The following ABCD3 variants were observed in gnomAD, a reference collection of about 807,000 sequenced individuals.
ABCD3 encodes the protein ATP binding cassette subfamily D member 3.
A neutral mutation model predicts 105.5 loss-of-function variants in ABCD3; 41 were observed. The ratio of observed to expected loss-of-function variants is 0.39; its 90% confidence interval spans 0.30 to 0.50. The LOEUF is 0.50. ABCD3 is among the 20% of genes least tolerant of loss of function. ABCD3 has a pLI of 0.84. For synonymous variants in ABCD3, 258 were observed against 269.0 expected (o/e 0.96, Z 0.40); for missense variants, 622 against 806.3 (o/e 0.77, Z 2.77).
intron 9 of ABCD3, among the ~76,000 whole-genome samples, chr1:94,480,941 A>G (rs1423109212): frequency 1.3e-5 from 2 of 152,250 alleles, no homozygotes; most frequent in East Asian, 3.9e-4. Flanking sequence ...ATTTTTCCAC[A>G]AATATTTTTA....
chr1:94,501,025 C>T (rs1650066436), intron 20 of ABCD3, among the ~76,000 whole-genome samples: 1 of 152,068 alleles, frequency 6.6e-6, no homozygotes, highest in African/African-American at 2.4e-5. Flanking sequence ...CAGAAATGGA[C>T]ACGACGGAAA....
At chr1:94,495,623 A>G in intron 16 of ABCD3, among the ~76,000 whole-genome samples, 1 of 152,188 alleles carries the variant, frequency 6.6e-6, no homozygotes, top group East Asian at 1.9e-4. Flanking sequence ...GTTATTATTT[A>G]TATACATCAT....
chr1:94,392,359 C>T, the ABCD3 span, among the ~76,000 whole-genome samples: 1 of 152,162 alleles, frequency 6.6e-6, no homozygotes, highest in Non-Finnish European at 1.5e-5. Context: ...GTGTGAGGAT[C>T]ATGCAGAATG....
At chr1:94,495,556 G>A (rs975793072) in intron 16 of ABCD3, among the ~76,000 whole-genome samples, 2 of 152,190 alleles carry the variant, frequency 1.3e-5, no homozygotes, top group African/African-American at 4.8e-5. Context: ...ATGCTGAGTA[G>A]GTTAGCCAGG....
intron 1 of ABCD3, among the ~76,000 whole-genome samples, chr1:94,443,837 T>C (rs543678503): frequency 3.0e-4 from 45 of 152,288 alleles, no homozygotes; most frequent in African/African-American, 1.1e-3. Context: ...GTATAGAAAT[T>C]TTAGAATTCA....
At chr1:94,460,242 T>C (rs907481045) in intron 2 of ABCD3, among the ~76,000 whole-genome samples, 2 of 152,184 alleles carry the variant, frequency 1.3e-5, no homozygotes, top group Non-Finnish European at 2.9e-5. Context: ...ATACCATTAG[T>C]CTAATTTTTA....
the ABCD3 span, among the ~76,000 whole-genome samples, chr1:94,411,214 T>C: frequency 6.6e-6 from 1 of 152,152 alleles, no homozygotes; most frequent in Admixed American, 6.6e-5. Flanking sequence ...TGGGAGAAAA[T>C]ACTTGCAAAT....
At chr1:94,406,124 A>C in the ABCD3 span, among the ~76,000 whole-genome samples, 2 of 151,884 alleles carry the variant, frequency 1.3e-5, no homozygotes, top group African/African-American at 4.8e-5. Flanking sequence ...AAGGAATTTA[A>C]CTTTTTTTCA....
intron 1 of ABCD3, among the ~76,000 whole-genome samples, chr1:94,453,024 C>G (rs1464539649): frequency 6.6e-6 from 1 of 152,172 alleles, no homozygotes; most frequent in Admixed American, 6.5e-5. Context: ...CCCGTCTGGC[C>G]TTCCAAAGTG....
At chr1:94,433,824 T>C (rs1659789808) in intron 1 of ABCD3, among the ~76,000 whole-genome samples, 1 of 151,932 alleles carries the variant, frequency 6.6e-6, no homozygotes, top group South Asian at 2.1e-4. Flanking sequence ...TTTTTTTTTT[T>C]TTCCAGTTAA....
rs1187858042 is a variant in ABCD3, at chr1:94,511,550, C to T, written c.1846-3596C>T. Among the ~76,000 whole-genome samples the T allele has an allele frequency of 3.9e-5, 6 of 152,066 alleles. No individual in the cohort carries two copies. The East Asian group carries it at 7.7e-4, about 20-fold the overall frequency. Reference sequence around the variant, plus strand: ...CTGAACGTTGGCCTGCCTTGCTAGACTGGGGAAGTTCTCCTGGATAATATC... The same window carrying T: ...CTGAACGTTGGCCTGCCTTGCTAGATTGGGGAAGTTCTCCTGGATAATATC... On this transcript the variant is annotated intron_variant, in intron 21 of 22. Transcript: ENST00000370214.
intron 1 of ABCD3, among the ~76,000 whole-genome samples, chr1:94,450,513 G>A (rs555801356): frequency 2.0e-5 from 3 of 152,344 alleles, no homozygotes; most frequent in East Asian, 1.9e-4. Context: ...TAGCATGAGC[G>A]ATCTGTGCCT....
intron 21 of ABCD3, 111 bp downstream of exon 21, chr1:94,506,753 C>A: frequency 4.2e-6 from 3 of 715,696 alleles, no homozygotes; most frequent in South Asian, 3.2e-5. Context: ...AAAATTTCTA[C>A]CAAAAGATTT....
upstream of ABCD3, among the ~76,000 whole-genome samples, chr1:94,415,414 TTC>T (rs1337840877): frequency 6.6e-6 from 1 of 152,178 alleles, no homozygotes; most frequent in South Asian, 2.1e-4. Flanking sequence ...AAATCACATT[TTC>T]TGTTTTTCTT....
Position 94,447,276 on chromosome 1 carries a change from G to GA in ABCD3, c.111-11325dup, listed in dbSNP as rs1660389494. Among the ~76,000 whole-genome samples the GA allele has an allele frequency of 2.6e-5, 4 of 152,202 alleles. No individual in the cohort carries two copies. The South Asian group carries it at 8.3e-4, about 32-fold the overall frequency. On this transcript the variant is annotated intron_variant, in intron 1 of 22. Transcript: ENST00000370214. ...GGAATTCACCAGTTTTTGTAATTAA[G>GA]AAAAAATCAGGTAAATAGAGAATGT...
At chr1:94,452,131 A>G (rs1392128209) in intron 1 of ABCD3, among the ~76,000 whole-genome samples, 1 of 152,218 alleles carries the variant, frequency 6.6e-6, no homozygotes, top group Non-Finnish European at 1.5e-5. Context: ...TAACTGGTAC[A>G]GTTTTGAGAC....
chr1:94,385,513 C>T, the ABCD3 span, among the ~76,000 whole-genome samples: 6 of 152,202 alleles, frequency 3.9e-5, no homozygotes, highest in Non-Finnish European at 7.3e-5. Context: ...GCACTTACCA[C>T]CTGACCAGGA....
intron 1 of ABCD3, among the ~76,000 whole-genome samples, chr1:94,433,122 C>T (rs1458908693): frequency 1.3e-5 from 2 of 151,156 alleles, no homozygotes; most frequent in African/African-American, 2.4e-5. Context: ...TCCCAAAGTG[C>T]TGGGATTACA....
At chr1:94,464,000 C>T (rs1648007027) in intron 2 of ABCD3, among the ~76,000 whole-genome samples, 2 of 152,196 alleles carry the variant, frequency 1.3e-5, no homozygotes, top group Admixed American at 1.3e-4. Flanking sequence ...CTGCTACCCA[C>T]TTTAAATAAT....
Sources: allele counts gnomAD v4.1 joint callset (sites outside exome capture counted in the v4.1 genomes callset), GRCh38; gene constraint gnomAD v4.1.1; transcripts MANE v1.5; gene names NCBI Gene and HGNC (gene_info 2026-07-23, HGNC 2026-07-21).